The following SEMA4F variants were observed in gnomAD, a reference collection of about 807,000 sequenced individuals.
SEMA4F encodes ssemaphorin 4F, also known as semaphorin-4F.
Under a neutral mutation model 78.4 loss-of-function variants are expected in SEMA4F, and 51 were observed. The observed-to-expected ratio is 0.65, with a 90% CI of 0.52 to 0.82. The LOEUF (loss-of-function observed/expected upper bound fraction) is 0.82, where lower values mean the gene tolerates loss of function less well. Ranked by LOEUF, SEMA4F falls within the 40% of genes least tolerant of loss-of-function variation. The probability of loss-of-function intolerance (pLI) is 0.00; values close to 1 mark genes in which losing one functional copy is unlikely to be tolerated. For missense variants in SEMA4F, 938 were observed against 1,014.4 expected (o/e 0.92, Z 1.02); for synonymous variants, 418 against 408.7 (o/e 1.02, Z -0.27).
At chr2:74,659,625 C>T (rs959692546) in intron 4 of SEMA4F, among the ~76,000 whole-genome samples, 2 of 152,120 alleles carry the variant, frequency 1.3e-5, no homozygotes, top group African/African-American at 4.8e-5. Flanking sequence ...AGAGACTAGC[C>T]GCAAGAGGTC....
chr2:74,707,143 A>G, the SEMA4F span, among the ~76,000 whole-genome samples: 2 of 152,224 alleles, frequency 1.3e-5, no homozygotes, highest in African/African-American at 2.4e-5. Flanking sequence ...TATAAAGTAC[A>G]TTGGCAAAAT....
At chr2:74,654,660 A>G (rs1383808608) in intron 1 of SEMA4F, 139 bp downstream of exon 1, 15 of 701,262 alleles carry the variant, frequency 2.1e-5, no homozygotes, top group Non-Finnish European at 3.2e-5. Flanking sequence ...CCCCGCCGGG[A>G]CCGGGGCGAG....
rs1480470416 is a variant in SEMA4F, at chr2:74,675,299, T to C, written c.1287T>C (p.Thr429=). ...CTGATGGCCACCCCCTGCTGGTCAC[T>C]ACAGATACAGCCTATCTCAGAGTCG... ...FPADGHPLLV[T]TDTAYLRVVA... Residue 429 remains threonine, a synonymous_variant, in exon 10 of 14, where the codon ACT becomes ACC. Coordinates refer to ENST00000357877, the MANE Select transcript of SEMA4F (RefSeq NM_004263.5). 2.5e-6 allele frequency: 4 copies of C among 1,614,068 alleles called. No homozygotes were observed. Among genetic ancestry groups the C allele is most frequent in the African/African-American group, 1.3e-5 (1 of 74,922 alleles).
In SEMA4F at chr2:74,656,578, A is replaced by G. The variant is rs761607986; in HGVS notation, c.190A>G (p.Asn64Asp). Residue 64 changes from asparagine (N) to aspartate (D), a missense_variant, in exon 2 of 14, where the codon AAT becomes GAT. Asn to Asp is a conservative substitution (Grantham distance 23, BLOSUM62 1). Transcript: ENST00000357877. ...LTRFAVPHTYNYSVLLVDPAS... is the reference protein window; with the variant it reads ...LTRFAVPHTYDYSVLLVDPAS... ...CCGGTTCGCAGTCCCTCACACATAC[A>G]ATTACTCTGTTCTCCTTGTGGATCC... The G allele has an allele frequency of 4.3e-6, 7 of 1,613,910 alleles. No individual in the cohort carries two copies. Among genetic ancestry groups the G allele is most frequent in the Non-Finnish European group, 5.9e-6 (7 of 1,179,956 alleles).
In SEMA4F at chr2:74,680,421, A is replaced by T. The variant is rs1685554635; in HGVS notation, c.*212A>T. 1 of 524,376 alleles carries T rather than the reference A, an allele frequency of 1.9e-6. No homozygotes were observed. 32.5% of individuals were successfully genotyped at this position (524,376 alleles called of 1,614,324 possible). On this transcript the variant is annotated 3_prime_UTR_variant, in exon 14 of 14. Coordinates refer to ENST00000357877, the MANE Select transcript of SEMA4F (RefSeq NM_004263.5). ...TTCCTGATTCCCATGAGAAATCAGA[A>T]CTGCTTTCTGCAGCAAATCAGGGCT...
chr2:74,685,403 A>G (rs1056112243), downstream of SEMA4F, among the ~76,000 whole-genome samples: 6 of 152,006 alleles, frequency 3.9e-5, no homozygotes, highest in African/African-American at 1.4e-4. Context: ...TTAGTCTGTC[A>G]TCTCTGCATG....
chr2:74,696,942 C>T, the SEMA4F span, among the ~76,000 whole-genome samples: 2 of 152,170 alleles, frequency 1.3e-5, no homozygotes, highest in African/African-American at 4.8e-5. Context: ...GCTCTTACAA[C>T]CTGTGGCGTC....
intron 5 of SEMA4F, among the ~76,000 whole-genome samples, chr2:74,669,455 G>C (rs1684864028): frequency 6.6e-6 from 1 of 151,464 alleles, no homozygotes; most frequent in South Asian, 2.1e-4. Context: ...GTGGTGGGGG[G>C]GTGCCTGTAA....
In SEMA4F at chr2:74,675,293, G is replaced by T. The variant is rs761876296; in HGVS notation, c.1281G>T (p.Leu427=). The T allele has an allele frequency of 1.2e-6, 2 of 1,614,150 alleles. No individual in the cohort carries two copies. Among genetic ancestry groups the T allele is most frequent in the Non-Finnish European group, 1.7e-6 (2 of 1,180,034 alleles). Residue 427 remains leucine (L), a synonymous_variant, in exon 10 of 14, where the codon CTG becomes CTT. Coordinates refer to ENST00000357877, the MANE Select transcript of SEMA4F (RefSeq NM_004263.5). ...PVFPADGHPL[L]VTTDTAYLRV... is the part of the protein sequence containing the mutation. Reference sequence around the variant, plus strand: ...TTCCAGCTGATGGCCACCCCCTGCTGGTCACTACAGATACAGCCTATCTCA... The same window carrying T: ...TTCCAGCTGATGGCCACCCCCTGCTTGTCACTACAGATACAGCCTATCTCA...
At chr2:74,667,040 T>C (rs1000050839) in intron 5 of SEMA4F, among the ~76,000 whole-genome samples, 1 of 152,202 alleles carries the variant, frequency 6.6e-6, no homozygotes, top group Non-Finnish European at 1.5e-5. Flanking sequence ...GCGTATTTAT[T>C]ATAACTTGGA....
the SEMA4F span, among the ~76,000 whole-genome samples, chr2:74,691,181 G>A: frequency 8.5e-5 from 13 of 152,122 alleles, no homozygotes; most frequent in African/African-American, 3.1e-4. Context: ...AGCACGATTT[G>A]TGCTTTAAAT....
Position 74,679,738 on chromosome 2 carries a change from G to A in SEMA4F, c.1842G>A (p.Leu614=), listed in dbSNP as rs1210483298. The A allele has an allele frequency of 1.9e-6, 3 of 1,614,076 alleles. No homozygotes were observed. The highest frequency in any genetic ancestry group is 2.7e-5 in the African/African-American group (2 of 74,944). The change falls in exon 14 of 14, where the codon CTG becomes CTA. Residue 614 remains leucine (L), a synonymous_variant. Coordinates refer to ENST00000357877, the MANE Select transcript of SEMA4F (RefSeq NM_004263.5). ...VTALTPRRDG[L]EVVVTPGAMG... is the part of the protein sequence containing the mutation. ...CACTCACCCCCCGGCGGGATGGACT[G>A]GAGGTGGTGGTGACCCCAGGGGCCA... is the stretch of plus-strand genomic sequence containing the variant.
chr2:74,701,316 C>T, the SEMA4F span, among the ~76,000 whole-genome samples: 1 of 152,116 alleles, frequency 6.6e-6, no homozygotes, highest in Non-Finnish European at 1.5e-5. Flanking sequence ...GCTTTTTCAG[C>T]TACATTCTCA....
At chr2:74,706,259 A>C in the SEMA4F span, among the ~76,000 whole-genome samples, 18 of 152,228 alleles carry the variant, frequency 1.2e-4, no homozygotes, top group Non-Finnish European at 1.2e-4. Context: ...AACTAGCCTA[A>C]GATTGTACAT....
chr2:74,665,118 T>C (rs898869578), intron 5 of SEMA4F, among the ~76,000 whole-genome samples: 1 of 152,106 alleles, frequency 6.6e-6, no homozygotes, highest in Non-Finnish European at 1.5e-5. Context: ...AAATATTTTA[T>C]GTTAAACAAA....
At chr2:74,670,892 C>T (rs1255963856) in intron 5 of SEMA4F, among the ~76,000 whole-genome samples, 2 of 152,230 alleles carry the variant, frequency 1.3e-5, no homozygotes, top group Non-Finnish European at 2.9e-5. Context: ...GCTTCCCCCT[C>T]TTCTGGTGGC....
At chr2:74,675,657 T>C (rs951402135) in intron 11 of SEMA4F, 23 bp downstream of exon 11, 3 of 1,612,500 alleles carry the variant, frequency 1.9e-6, no homozygotes, top group African/African-American at 1.3e-5. Context: ...TTTTGGAGAG[T>C]CTATTGGGGA....
At chr2:74,672,415 G>A (rs1685032475) in intron 5 of SEMA4F, among the ~76,000 whole-genome samples, 1 of 152,182 alleles carries the variant, frequency 6.6e-6, no homozygotes, top group Admixed American at 6.5e-5. Flanking sequence ...TTACACACTT[G>A]TCTTCCTGAC....
At chr2:74,665,175 CTT>C (rs762960849) in intron 5 of SEMA4F, among the ~76,000 whole-genome samples, 3 of 150,058 alleles carry the variant, frequency 2.0e-5, no homozygotes, top group African/African-American at 7.4e-5. Context: ...CTATGCATGA[CTT>C]TATTTTTTAG....
Sources: allele counts gnomAD v4.1 joint callset (sites outside exome capture counted in the v4.1 genomes callset), GRCh38; gene constraint gnomAD v4.1.1; transcripts MANE v1.5; gene names NCBI Gene and HGNC (gene_info 2026-07-23, HGNC 2026-07-21).